Variants in PCDHGA3 observed in about 807,000 individuals in gnomAD.
PCDHGA3 encodes protocadherin gamma-A3.
A neutral mutation model predicts 58.5 loss-of-function variants in PCDHGA3; 40 were observed. The observed-to-expected ratio is 0.68, with a 90% CI of 0.53 to 0.89. The LOEUF (loss-of-function observed/expected upper bound fraction) is 0.89. PCDHGA3 is among the 40% of genes least tolerant of loss of function. The probability of loss-of-function intolerance (pLI) is 0.00; values close to 1 mark genes in which losing one functional copy is unlikely to be tolerated. For missense variants in PCDHGA3, 1,223 were observed against 1,195.9 expected, an observed-to-expected ratio of 1.02 and a Z score of -0.33; for synonymous variants, 530 against 525.7, an observed-to-expected ratio of 1.01 and a Z score of -0.11.
chr5:141,441,750 A>C, intron 1 of PCDHGA3: 1 of 374,962 alleles, frequency 2.7e-6, no homozygotes, highest in South Asian at 2.1e-5. Context: ...GCTCGGCGTC[A>C]ACGTGAGCCT....
At chr5:141,362,021 C>G in intron 1 of PCDHGA3, 1 of 1,607,220 alleles carries the variant, frequency 6.2e-7, no homozygotes, top group Non-Finnish European at 8.5e-7. Flanking sequence ...GTGCGCACAG[C>G]GCGTGCCTTG....
rs1222364302 is a variant in PCDHGA3, at chr5:141,414,920, C to T, written c.2424+68463C>T. On this transcript the variant is annotated intron_variant, in intron 1 of 3. Coordinates refer to ENST00000253812, the MANE Select transcript of PCDHGA3 (RefSeq NM_018916.4). ...GACGGTTCCACAGGCGTGGAGCTGG[C>T]GCCCCGCTCCGCAGAGCCCGGCTAC... 2.5e-6 allele frequency: 4 copies of T among 1,614,146 alleles called. No individual in the cohort carries two copies. The South Asian group carries it at 3.3e-5, about 13-fold the overall frequency.
At chr5:141,372,842 A>G in intron 1 of PCDHGA3, 1 of 1,515,016 alleles carries the variant, frequency 6.6e-7, no homozygotes, top group Middle Eastern at 1.7e-4. Context: ...TTCCATAAAT[A>G]TAATTGGGTT....
chr5:141,494,528 G>A lies in PCDHGA3; in HGVS notation c.2425-279G>A, dbSNP rs189993899. On this transcript the variant is annotated intron_variant, in intron 1 of 3. Coordinates refer to ENST00000253812, the MANE Select transcript of PCDHGA3 (RefSeq NM_018916.4). ...ATTTTGGCTCAGGAGTTCTGACTCTGGGGGCAGGGAGGAAGGGGCCATTTC... is the reference window on the plus strand; with the variant it reads ...ATTTTGGCTCAGGAGTTCTGACTCTAGGGGCAGGGAGGAAGGGGCCATTTC... 3.0e-4 allele frequency among the ~76,000 whole-genome samples: 45 copies of A among 152,274 alleles called. 1 individual carries two copies. Among genetic ancestry groups the A allele is most frequent in the African/African-American group, 1.0e-3 (42 of 41,542 alleles).
At chr5:141,364,718 T>G in intron 1 of PCDHGA3, 1 of 1,613,968 alleles carries the variant, frequency 6.2e-7, no homozygotes, top group Non-Finnish European at 8.5e-7. Flanking sequence ...TAATGATAAC[T>G]TCCCGCGTTT....
At chr5:141,371,593 A>G in intron 1 of PCDHGA3, 1 of 1,613,972 alleles carries the variant, frequency 6.2e-7, no homozygotes, top group Non-Finnish European at 8.5e-7. Context: ...GATACCAAAA[A>G]CACATACAGG....
At chr5:141,428,185 G>A (rs775261215) in intron 1 of PCDHGA3, 1 of 1,446,348 alleles carries the variant, frequency 6.9e-7, no homozygotes, top group Admixed American at 1.8e-5. Context: ...GAGGACAGCC[G>A]CCGCTCTCTG....
intron 2 of PCDHGA3, among the ~76,000 whole-genome samples, chr5:141,501,333 A>ACACACC (rs1186649373): frequency 1.5e-4 from 21 of 140,134 alleles, no homozygotes; most frequent in African/African-American, 3.4e-4. Flanking sequence ...ACACACACAC[A>ACACACC]CCCCAAACTC....
intron 1 of PCDHGA3, among the ~76,000 whole-genome samples, chr5:141,363,900 A>G (rs1443403016): frequency 6.6e-6 from 1 of 152,258 alleles, no homozygotes; most frequent in Non-Finnish European, 1.5e-5. Flanking sequence ...CCGATGACGC[A>G]TTAAATAAAA....
At chr5:141,365,601 T>TCATGGAC in intron 1 of PCDHGA3, 4 of 1,613,644 alleles carry the variant, frequency 2.5e-6, no homozygotes, top group Non-Finnish European at 3.4e-6. Flanking sequence ...ACTTTAACCG[T>TCATGGAC]CATGGACCAT....
Position 141,510,960 on chromosome 5 carries a change from G to C in PCDHGA3, c.2586G>C (p.Gly862=). The change falls in exon 4 of 4, where the codon GGG becomes GGC. Residue 862 remains glycine, a synonymous_variant. Transcript: ENST00000253812. ...CTGTCTCTGCAGAAGCTGCTGATGG[G>C]AGCTCCACCCTGGGAGGGGGTGCCG... The part of the protein sequence containing the change: ...ILASASEAAD[G]SSTLGGGAGT... 1 of 1,614,120 alleles carries C rather than the reference G, an allele frequency of 6.2e-7. No homozygotes were observed. Among genetic ancestry groups the C allele is most frequent in the Non-Finnish European group, 8.5e-7 (1 of 1,180,022 alleles).
At position 141,418,763 on chromosome 5, in the gene PCDHGA3, C is replaced by G. The variant is rs914122527; in HGVS notation, c.2424+72306C>G. The stretch of plus-strand genomic sequence containing the variant: ...TCTGGATTACACTACAGGAAACATT[C>G]TAACTCAGCAGCCTTTGGATTTTGA... On this transcript the variant is annotated intron_variant, in intron 1 of 3. Coordinates refer to ENST00000253812, the MANE Select transcript of PCDHGA3 (RefSeq NM_018916.4). 5 of 1,613,728 alleles carry G rather than the reference C, an allele frequency of 3.1e-6. No homozygotes were observed. The Admixed American group carries it at 5.0e-5, about 16-fold the overall frequency.
chr5:141,457,899 C>CA (rs2098931976), intron 1 of PCDHGA3, among the ~76,000 whole-genome samples: 1 of 148,818 alleles, frequency 6.7e-6, no homozygotes, highest in Admixed American at 6.7e-5. Context: ...ACTGTGTAGA[C>CA]AAGGTGTGAG....
At chr5:141,379,087 A>G (rs1464802506) in intron 1 of PCDHGA3, 1 of 152,222 alleles carries the variant, frequency 6.6e-6, no homozygotes, top group Non-Finnish European at 1.5e-5. Flanking sequence ...TTTGTTATGA[A>G]TGTGTAAGAA....
intron 1 of PCDHGA3, chr5:141,362,522 C>T (rs780916680): frequency 3.7e-6 from 6 of 1,614,018 alleles, no homozygotes; most frequent in Non-Finnish European, 5.1e-6. Flanking sequence ...CATGGAGCCG[C>T]TGGGGTCCCT....
rs201378410 is a variant in PCDHGA3, at chr5:141,414,802, G to T, written c.2424+68345G>T. Reference sequence around the variant, plus strand: ...GCAGGTGACAGCCAGCGACAGCGGGGATCCTCCACTCAGCAGCAACGTGTC... The same window carrying T: ...GCAGGTGACAGCCAGCGACAGCGGGTATCCTCCACTCAGCAGCAACGTGTC... On this transcript the variant is annotated intron_variant, in intron 1 of 3. Coordinates refer to ENST00000253812, the MANE Select transcript of PCDHGA3 (RefSeq NM_018916.4). The T allele has an allele frequency of 4.3e-6, 7 of 1,614,226 alleles. No homozygotes were observed. The African/African-American group carries it at 8.0e-5, about 18-fold the overall frequency.
intron 1 of PCDHGA3, chr5:141,399,483 C>G (rs753137844): frequency 6.2e-7 from 1 of 1,613,930 alleles, no homozygotes; most frequent in African/African-American, 1.3e-5. Context: ...ACCAGGCGTC[C>G]TACTTAGTCA....
At chr5:141,349,450 G>A (rs967201965) in intron 1 of PCDHGA3, among the ~76,000 whole-genome samples, 1 of 152,084 alleles carries the variant, frequency 6.6e-6, no homozygotes, top group Admixed American at 6.5e-5. Context: ...CTTCATAAAA[G>A]CATGTATGTG....
chr5:141,399,697 T>C, intron 1 of PCDHGA3: 1 of 1,613,436 alleles, frequency 6.2e-7, no homozygotes. Context: ...GCTGCGCACC[T>C]TCGAACTCAC....
Sources: gnomAD v4.1 joint callset for allele counts (sites outside exome capture counted in the v4.1 genomes callset) on GRCh38, gnomAD v4.1.1 for gene constraint, MANE v1.5 for transcripts, NCBI Gene and HGNC (gene_info 2026-07-23, HGNC 2026-07-21) for gene names.